Variants in PRSS23 observed in about 807,000 individuals in gnomAD.
The protein encoded by PRSS23 is protease, serine 23.
PRSS23 carries 25 observed loss-of-function variants against 34.7 expected under a neutral mutation model. That is an observed-to-expected ratio of 0.72 (90% CI 0.53 to 1.01). PRSS23 has a LOEUF of 1.01. PRSS23 is among the 50% of genes least tolerant of loss of function. PRSS23 has a pLI of 0.00. For synonymous variants in PRSS23, 176 were observed against 186.6 expected (o/e 0.94, Z 0.46); for missense variants, 445 against 475.6 (o/e 0.94, Z 0.60).
chr11:86,887,170 G>A (rs997429015), intron 2 of PRSS23, among the ~76,000 whole-genome samples: 7 of 152,130 alleles, frequency 4.6e-5, no homozygotes, highest in Admixed American at 1.3e-4. Flanking sequence ...CTCCAGAGCT[G>A]TGCTCGTTCT....
chr11:86,886,000 A>G (rs1249527826), intron 2 of PRSS23, among the ~76,000 whole-genome samples: 1 of 152,216 alleles, frequency 6.6e-6, no homozygotes, highest in African/African-American at 2.4e-5. Flanking sequence ...TGGTGATAGC[A>G]GGTAACATTT....
intron 2 of PRSS23, among the ~76,000 whole-genome samples, chr11:86,833,760 C>G (rs1025835209): frequency 1.3e-5 from 2 of 152,158 alleles, no homozygotes; most frequent in Non-Finnish European, 2.9e-5. Flanking sequence ...CCCACCTAGG[C>G]TTAGGGATTC....
intron 2 of PRSS23, chr11:86,939,138 G>A (rs577566320): frequency 2.3e-5 from 9 of 385,330 alleles, no homozygotes; most frequent in South Asian, 3.9e-5. Context: ...TAAGGGAAAC[G>A]TTTCCATGTC....
chr11:86,944,037 C>A (rs187627503), intron 2 of PRSS23, among the ~76,000 whole-genome samples: 54 of 152,142 alleles, frequency 3.5e-4, no homozygotes, highest in African/African-American at 1.3e-3. Context: ...CACTGCGCCT[C>A]GCCCATAGGA....
intron 2 of PRSS23, among the ~76,000 whole-genome samples, chr11:86,839,628 G>A (rs546817178): frequency 9.9e-5 from 15 of 152,058 alleles, no homozygotes; most frequent in African/African-American, 3.6e-4. Flanking sequence ...CTTGAGAAGA[G>A]CAACCCCAAG....
intron 2 of PRSS23, among the ~76,000 whole-genome samples, chr11:86,827,032 C>G (rs1158350408): frequency 2.6e-5 from 4 of 152,256 alleles, no homozygotes; most frequent in African/African-American, 9.6e-5. Flanking sequence ...AGGATTCCCT[C>G]TTTTTCTATT....
chr11:86,806,636 T>C (rs1380296280), intron 1 of PRSS23, among the ~76,000 whole-genome samples: 1 of 152,204 alleles, frequency 6.6e-6, no homozygotes, highest in Non-Finnish European at 1.5e-5. Flanking sequence ...CTCTTGTTCT[T>C]ACTCCCACAA....
chr11:86,855,549 A>G (rs1948563895), intron 2 of PRSS23, among the ~76,000 whole-genome samples: 2 of 152,136 alleles, frequency 1.3e-5, no homozygotes, highest in Non-Finnish European at 2.9e-5. Context: ...AGGTTGGAGT[A>G]TAGAGGCATG....
intron 2 of PRSS23, among the ~76,000 whole-genome samples, chr11:86,824,962 C>G (rs1369034152): frequency 1.3e-5 from 2 of 152,082 alleles, no homozygotes. Flanking sequence ...GTCTTTATAG[C>G]AGCATGATTT....
chr11:86,810,901 A>G lies in PRSS23; in HGVS notation c.*2106A>G, dbSNP rs1171814614. 2 of 167,110 alleles carry G rather than the reference A, an allele frequency of 1.2e-5. No individual in the cohort carries two copies. The highest frequency in any genetic ancestry group is 2.9e-5 in the Non-Finnish European group (2 of 68,128). The allele number at this position is 167,110 out of a possible 1,614,324, so 10.4% of individuals were successfully genotyped here. On this transcript the variant is annotated 3_prime_UTR_variant, in exon 2 of 2. Transcript: ENST00000280258. ...AAGCATGGTATTAAACTATCATAGA[A>G]GTAGACAGAAAAAGAAAAAAGGACT...
chr11:86,859,733 A>G (rs1046642384), intron 2 of PRSS23, among the ~76,000 whole-genome samples: 1 of 151,814 alleles, frequency 6.6e-6, no homozygotes, highest in Non-Finnish European at 1.5e-5. Flanking sequence ...GGGGGGAGAG[A>G]ATGATATAAC....
At chr11:86,840,697 C>T (rs1311742024) in intron 2 of PRSS23, among the ~76,000 whole-genome samples, 1 of 152,140 alleles carries the variant, frequency 6.6e-6, no homozygotes, top group Non-Finnish European at 1.5e-5. Flanking sequence ...TAAAATTGAC[C>T]ACATAATTGG....
chr11:86,858,623 C>A (rs1413625264), intron 2 of PRSS23, among the ~76,000 whole-genome samples: 1 of 151,822 alleles, frequency 6.6e-6, no homozygotes, highest in African/African-American at 2.4e-5. Context: ...GATGATATTA[C>A]TCCCAATATT....
intron 2 of PRSS23, chr11:86,837,534 T>TGAGG (rs1353674967): frequency 6.6e-6 from 1 of 152,208 alleles, no homozygotes; most frequent in African/African-American, 2.4e-5. Context: ...TTTGGGAGGC[T>TGAGG]GAGGTGGGTG....
rs570063940 is a variant in PRSS23, at chr11:86,850,754, G to A, written c.206+27161G>A. On this transcript the variant is annotated intron_variant, in intron 2 of 2. Coordinates refer to the PRSS23 transcript ENST00000533902. Reference sequence around the variant, plus strand: ...ATTTCTTGTAAACATGCTTTGTAACGTCCTGTAAGATCCTGTCTCCTTTGC... The same window carrying A: ...ATTTCTTGTAAACATGCTTTGTAACATCCTGTAAGATCCTGTCTCCTTTGC... Among the ~76,000 whole-genome samples the A allele has an allele frequency of 2.8e-4, 42 of 152,146 alleles. 2 individuals carry two copies. In the South Asian group the frequency reaches 7.3e-3, roughly 26 times the overall value.
At chr11:86,837,815 T>A (rs1316970366) in intron 2 of PRSS23, among the ~76,000 whole-genome samples, 1 of 152,118 alleles carries the variant, frequency 6.6e-6, no homozygotes, top group Non-Finnish European at 1.5e-5. Context: ...GGAGATCGCT[T>A]TTAAGATGGC....
intron 1 of PRSS23, among the ~76,000 whole-genome samples, chr11:86,794,871 T>G (rs985697496): frequency 6.6e-6 from 1 of 152,166 alleles, no homozygotes; most frequent in African/African-American, 2.4e-5. Flanking sequence ...AAAAAAACAC[T>G]GACAAATATA....
intron 2 of PRSS23, among the ~76,000 whole-genome samples, chr11:86,841,487 A>G (rs1948448209): frequency 1.3e-5 from 2 of 152,174 alleles, no homozygotes; most frequent in Admixed American, 6.5e-5. Context: ...CAAAAAAATC[A>G]ATGAATCCAG....
intron 2 of PRSS23, among the ~76,000 whole-genome samples, chr11:86,919,153 G>T (rs1037148201): frequency 6.6e-6 from 1 of 152,122 alleles, no homozygotes; most frequent in African/African-American, 2.4e-5. Context: ...CAAGCAGCGG[G>T]GCCCAGAAAT....
Sources: gnomAD v4.1 joint callset for allele counts (sites outside exome capture counted in the v4.1 genomes callset) on GRCh38, gnomAD v4.1.1 for gene constraint, MANE v1.5 for transcripts, NCBI Gene and HGNC (gene_info 2026-07-23, HGNC 2026-07-21) for gene names.